The following ZNF804A variants were observed in gnomAD, a reference collection of about 807,000 sequenced individuals.
ZNF804A encodes zinc finger protein 804A.
In ZNF804A, 2 loss-of-function variants were observed where a neutral mutation model predicts 16.5. The observed-to-expected ratio is 0.12, with a 90% CI of 0.05 to 0.38. ZNF804A has a LOEUF of 0.38. ZNF804A is among the 10% of genes least tolerant of loss of function. The pLI is 0.99. For missense variants in ZNF804A, 1,473 were observed against 1,390.7 expected (o/e 1.06, Z -0.94); for synonymous variants, 534 against 489.6 (o/e 1.09, Z -1.20).
chr2:184,600,177 G>A (rs190194865), intron 1 of ZNF804A, among the ~76,000 whole-genome samples: 22 of 152,168 alleles, frequency 1.4e-4, no homozygotes, highest in African/African-American at 5.1e-4. Flanking sequence ...GTTCTTGATC[G>A]AATTTTCTTT....
At chr2:184,707,646 T>G (rs533080105) in intron 1 of ZNF804A, among the ~76,000 whole-genome samples, 2 of 152,324 alleles carry the variant, frequency 1.3e-5, no homozygotes, top group Admixed American at 1.3e-4. Flanking sequence ...TAAATAGTAT[T>G]CCGTGGTGTA....
rs1231998562 is a variant in ZNF804A, at chr2:184,855,165, G to A, written c.112-11204G>A. 2.0e-5 allele frequency among the ~76,000 whole-genome samples: 3 copies of A among 152,010 alleles called. No homozygotes were observed. In the East Asian group the frequency reaches 5.8e-4, roughly 29 times the overall value. ...ATAAGACAGCCCCTATAGAAATTAA[G>A]GATGCCATGGGTAGAATGACTGTGC... On this transcript the variant is annotated intron_variant, in intron 1 of 3. Transcript: ENST00000302277.
At chr2:184,838,654 AT>A (rs34717217) in intron 1 of ZNF804A, among the ~76,000 whole-genome samples, 9,400 of 152,082 alleles carry the variant, frequency 0.062, 990 homozygotes, top group African/African-American at 0.21. Context: ...TGTATGCCTT[AT>A]TTAAAATAGC....
chr2:184,864,648 A>G (rs537436540), intron 1 of ZNF804A, among the ~76,000 whole-genome samples: 12 of 152,328 alleles, frequency 7.9e-5, no homozygotes, highest in Admixed American at 3.9e-4. Context: ...GTGCAATAAC[A>G]TAAGCAAAGT....
At chr2:184,902,975 C>T (rs894103600) in intron 2 of ZNF804A, among the ~76,000 whole-genome samples, 3 of 152,038 alleles carry the variant, frequency 2.0e-5, no homozygotes, top group Non-Finnish European at 2.9e-5. Context: ...CCTTAGGTGT[C>T]CCTCATTTAG....
chr2:184,936,922 C>T lies in ZNF804A; in HGVS notation c.1526C>T (p.Thr509Ile), dbSNP rs777834031. The change falls in exon 4 of 4, where the codon ACT becomes ATT. Residue 509 changes from threonine to isoleucine, a missense_variant. Transcript: ENST00000302277. ...DYKDVSTEGLTDYEIGSSKNK... is the reference protein window; with the variant it reads ...DYKDVSTEGLIDYEIGSSKNK... ...AAGGATGTATCTACAGAAGGACTCACTGATTATGAAATTGGAAGTAGCAAA... is the reference window on the plus strand; with the variant it reads ...AAGGATGTATCTACAGAAGGACTCATTGATTATGAAATTGGAAGTAGCAAA... The T allele has an allele frequency of 5.6e-6, 9 of 1,613,878 alleles. No homozygotes were observed. Among genetic ancestry groups the T allele is most frequent in the Non-Finnish European group, 7.6e-6 (9 of 1,179,906 alleles).
intron 2 of ZNF804A, among the ~76,000 whole-genome samples, chr2:184,875,601 T>A (rs1696042583): frequency 6.6e-6 from 1 of 152,126 alleles, no homozygotes; most frequent in Non-Finnish European, 1.5e-5. Context: ...GAGCTTCTGA[T>A]ATTTCTTTAT....
intron 1 of ZNF804A, among the ~76,000 whole-genome samples, chr2:184,605,031 A>G (rs892005383): frequency 2.6e-5 from 4 of 152,130 alleles, no homozygotes; most frequent in East Asian, 1.9e-4. Flanking sequence ...TCTTTAATAT[A>G]TACTTATATA....
intron 1 of ZNF804A, among the ~76,000 whole-genome samples, chr2:184,697,620 A>G (rs1692853395): frequency 6.6e-6 from 1 of 152,104 alleles, no homozygotes; most frequent in Non-Finnish European, 1.5e-5. Flanking sequence ...GCATTTATCA[A>G]GATATGATAA....
chr2:184,850,539 G>C (rs1206462497), intron 1 of ZNF804A, among the ~76,000 whole-genome samples: 2 of 151,256 alleles, frequency 1.3e-5, no homozygotes, highest in East Asian at 1.9e-4. Flanking sequence ...TCTCTCCCTT[G>C]ATGAATCTTT....
chr2:184,870,182 G>C (rs1462638730), intron 2 of ZNF804A, among the ~76,000 whole-genome samples: 3 of 151,844 alleles, frequency 2.0e-5, no homozygotes. Flanking sequence ...TTCATTTTGA[G>C]ATTTTATATT....
intron 1 of ZNF804A, among the ~76,000 whole-genome samples, chr2:184,864,788 A>G (rs185741060): frequency 3.9e-5 from 6 of 152,152 alleles, no homozygotes. Flanking sequence ...TGCCATTGCC[A>G]TATAGAGGAC....
intron 1 of ZNF804A, among the ~76,000 whole-genome samples, chr2:184,726,807 G>A (rs1262090123): frequency 6.6e-6 from 1 of 151,472 alleles, no homozygotes; most frequent in Non-Finnish European, 1.5e-5. Flanking sequence ...TCTTAGGAAA[G>A]TATATACCTT....
intron 1 of ZNF804A, among the ~76,000 whole-genome samples, chr2:184,836,052 A>G (rs1695340677): frequency 6.6e-6 from 1 of 151,618 alleles, no homozygotes; most frequent in South Asian, 2.1e-4. Flanking sequence ...TTGAATAACT[A>G]TGTTATCTCT....
intron 1 of ZNF804A, among the ~76,000 whole-genome samples, chr2:184,639,829 C>T (rs530505413): frequency 6.6e-5 from 10 of 151,974 alleles, no homozygotes; most frequent in African/African-American, 2.2e-4. Context: ...GGTGAAACCC[C>T]GTCTCTACTA....
intron 2 of ZNF804A, among the ~76,000 whole-genome samples, chr2:184,893,072 G>A (rs188984519): frequency 6.6e-6 from 1 of 152,100 alleles, no homozygotes; most frequent in Non-Finnish European, 1.5e-5. Flanking sequence ...TGTAAAATAT[G>A]CTGTGATAGT....
intron 1 of ZNF804A, among the ~76,000 whole-genome samples, chr2:184,798,943 T>C (rs1258393045): frequency 6.6e-6 from 1 of 152,090 alleles, no homozygotes; most frequent in Admixed American, 6.6e-5. Flanking sequence ...TGTTGTAGTC[T>C]CCTCCTTTTC....
intron 1 of ZNF804A, among the ~76,000 whole-genome samples, chr2:184,657,327 T>A (rs1004363387): frequency 6.6e-6 from 1 of 152,152 alleles, no homozygotes; most frequent in African/African-American, 2.4e-5. Context: ...ACTCAAGTGA[T>A]CCATTCTGTT....
chr2:184,599,068 C>G lies in ZNF804A; in HGVS notation c.109C>G (p.Leu37Val), dbSNP rs928743581. The G allele has an allele frequency of 1.2e-6, 2 of 1,603,450 alleles. No homozygotes were observed. Among genetic ancestry groups the G allele is most frequent in the Non-Finnish European group, 1.7e-6 (2 of 1,171,764 alleles). ...TCTCAGCAAGAACGGGAACAAAACT[C>G]TGGTAATCGCTTCTGTTTTCCTCTC... ...GPLSKNGNKTLDYAEKENTIA... is the reference protein window; with the variant it reads ...GPLSKNGNKTVDYAEKENTIA... Residue 37 changes from leucine to valine, a missense_variant and splice_region_variant, in exon 1 of 4, where the codon CTG becomes GTG. Transcript: ENST00000302277.
Sources: gnomAD v4.1 joint callset for allele counts (sites outside exome capture counted in the v4.1 genomes callset) on GRCh38, gnomAD v4.1.1 for gene constraint, MANE v1.5 for transcripts, NCBI Gene and HGNC (gene_info 2026-07-23, HGNC 2026-07-21) for gene names.